Variants in KLRC1 observed in about 807,000 individuals in gnomAD.
The protein encoded by KLRC1 is killer cell lectin like receptor C1.
A neutral mutation model predicts 25.9 loss-of-function variants in KLRC1; 22 were observed. The observed-to-expected ratio is 0.85, with a 90% confidence interval of 0.61 to 1.21. KLRC1 has a LOEUF of 1.21. Among genes scored for constraint, KLRC1 ranks in the 50% most tolerant of loss-of-function variants. The pLI, the probability that KLRC1 is intolerant of heterozygous loss-of-function variation, is 0.00. For synonymous variants in KLRC1, 77 were observed against 93.1 expected (o/e 0.83, Z 0.99); for missense variants, 240 against 272.2 (o/e 0.88, Z 0.83).
Position 10,447,567 on chromosome 12 carries a change from T to A in KLRC1, c.555A>T (p.Pro185=). ...AAGCCAAACCATTCATTGTCACCCATGGATGATGACTGCTGTTACGAAACA... is the reference window on the plus strand; with the variant it reads ...AAGCCAAACCATTCATTGTCACCCAAGGATGATGACTGCTGTTACGAAACA... ...IGVFRNSSHH[P]WVTMNGLAFK... The change falls in exon 6 of 7, where the codon CCA becomes CCT. Residue 185 remains proline, a synonymous_variant. Coordinates refer to ENST00000359151, the MANE Select transcript of KLRC1 (RefSeq NM_002259.5). The A allele has an allele frequency of 6.2e-7, 1 of 1,610,530 alleles. No individual in the cohort carries two copies. Among genetic ancestry groups the A allele is most frequent in the South Asian group, 1.1e-5 (1 of 90,042 alleles).
At chr12:10,445,584 T>C (rs1863968593), downstream of KLRC1, among the ~76,000 whole-genome samples, 1 of 151,930 alleles carries the variant, frequency 6.6e-6, no homozygotes, top group Non-Finnish European at 1.5e-5. Context: ...CCAGTGAAAA[T>C]AAATGAAAAT....
At position 10,451,118 on chromosome 12, in the gene KLRC1, C is replaced by A. The variant is rs1864117742; in HGVS notation, c.39G>T (p.Leu13=). The A allele has an allele frequency of 1.9e-6, 3 of 1,613,906 alleles. No individual in the cohort carries two copies. The highest frequency in any genetic ancestry group is 2.5e-6 in the Non-Finnish European group (3 of 1,179,940). Reference sequence around the variant, plus strand: ...GTTGCTGCCTCTTTGGGTTTGGGGGCAGATTCAGGTCTGAGTAGATTACTC... The same window carrying A: ...GTTGCTGCCTCTTTGGGTTTGGGGGAAGATTCAGGTCTGAGTAGATTACTC... ...NQGVIYSDLN[L]PPNPKRQQRK... The change falls in exon 2 of 7, where the codon CTG becomes CTT. Residue 13 remains leucine, a synonymous_variant. Transcript: ENST00000359151.
At chr12:10,453,683 T>A (rs1864165216), upstream of KLRC1, among the ~76,000 whole-genome samples, 1 of 152,162 alleles carries the variant, frequency 6.6e-6, no homozygotes, top group Admixed American at 6.5e-5. Context: ...ATTATTTTAT[T>A]ATGTCACTTC....
At chr12:10,452,557 C>T (rs922427873) in intron 1 of KLRC1, among the ~76,000 whole-genome samples, 1 of 152,092 alleles carries the variant, frequency 6.6e-6, no homozygotes, top group South Asian at 2.1e-4. Context: ...TAAGCATTAG[C>T]TACTTTAATT....
intron 5 of KLRC1, among the ~76,000 whole-genome samples, chr12:10,447,897 T>C (rs1016683595): frequency 3.3e-5 from 5 of 152,218 alleles, no homozygotes; most frequent in African/African-American, 1.2e-4. Context: ...CCTGATACTG[T>C]GCATTCATTC....
rs1863983418 is a variant in KLRC1, at chr12:10,446,313, T to C, written c.*238A>G. ...TTCCTATAAGCTGACTCACATAACA[T>C]GCAACTTTTAGAAAGGCTGAAAACC... On this transcript the variant is annotated 3_prime_UTR_variant, in exon 7 of 7. Transcript: ENST00000359151. The C allele has an allele frequency of 1.8e-6, 2 of 1,138,764 alleles. No individual in the cohort carries two copies. Among genetic ancestry groups the C allele is most frequent in the Non-Finnish European group, 1.1e-6 (1 of 887,976 alleles). The allele number at this position is 1,138,764 out of a possible 1,614,324, so 70.5% of individuals were successfully genotyped here.
At chr12:10,448,921 G>T (rs1438061064) in intron 5 of KLRC1, among the ~76,000 whole-genome samples, 2 of 152,142 alleles carry the variant, frequency 1.3e-5, no homozygotes, top group African/African-American at 2.4e-5. Context: ...TTGTATCACA[G>T]GAGTTCATTC....
chr12:10,453,419 A>G, upstream of KLRC1: 2 of 945,230 alleles, frequency 2.1e-6, no homozygotes, highest in Non-Finnish European at 2.5e-6. Flanking sequence ...AGGTTTGAAC[A>G]GGAAATTCTA....
chr12:10,450,871 A>G (rs953320497), intron 2 of KLRC1, 99 bp downstream of exon 2: 2 of 878,940 alleles, frequency 2.3e-6, no homozygotes, highest in Non-Finnish European at 3.6e-6. Context: ...ATCTTTGCAA[A>G]TAGAAGATAT....
chr12:10,448,932 A>C (rs1158541526), intron 5 of KLRC1, among the ~76,000 whole-genome samples: 1 of 152,200 alleles, frequency 6.6e-6, no homozygotes, highest in Non-Finnish European at 1.5e-5. Context: ...GAGTTCATTC[A>C]CTTTGTGATC....
intron 3 of KLRC1, 23 bp downstream of exon 3, chr12:10,450,461 G>A: frequency 7.4e-7 from 1 of 1,348,204 alleles, no homozygotes; most frequent in East Asian, 2.3e-5. Flanking sequence ...AATTCCCCTT[G>A]TAATCTTCGA....
intron 1 of KLRC1, among the ~76,000 whole-genome samples, chr12:10,452,719 G>A (rs1864150696): frequency 6.6e-6 from 1 of 151,804 alleles, no homozygotes; most frequent in South Asian, 2.1e-4. Context: ...TTATTGCTTT[G>A]TAATACCTTT....
intron 1 of KLRC1, among the ~76,000 whole-genome samples, chr12:10,451,528 C>T (rs542807334): frequency 6.6e-6 from 1 of 151,948 alleles, no homozygotes; most frequent in Non-Finnish European, 1.5e-5. Context: ...TGATGTCAGG[C>T]GCCTGTAGTC....
chr12:10,453,399 C>T (rs1375596793), upstream of KLRC1: 1 of 983,316 alleles, frequency 1.0e-6, no homozygotes, highest in Non-Finnish European at 1.2e-6. Flanking sequence ...TTCTCATCAA[C>T]GTGTTACTAA....
At chr12:10,446,898 A>G (rs1450590413) in intron 6 of KLRC1, among the ~76,000 whole-genome samples, 1 of 152,236 alleles carries the variant, frequency 6.6e-6, no homozygotes. Context: ...CAGAACCTAT[A>G]GAGAGATTAT....
At chr12:10,443,608 C>G (rs939158780), downstream of KLRC1, among the ~76,000 whole-genome samples, 1 of 141,706 alleles carries the variant, frequency 7.1e-6, no homozygotes, top group Non-Finnish European at 1.5e-5. Flanking sequence ...AACACATAAA[C>G]AAGCCACAGA....
At chr12:10,443,402 C>T (rs1304296509), downstream of KLRC1, among the ~76,000 whole-genome samples, 30 of 139,636 alleles carry the variant, frequency 2.1e-4, 6 homozygotes, top group African/African-American at 6.9e-4. Context: ...GTAATAGTGC[C>T]GTCTTAATAT....
At chr12:10,450,395 A>T (rs908505041) in intron 3 of KLRC1, 89 bp downstream of exon 3, 23 of 720,822 alleles carry the variant, frequency 3.2e-5, no homozygotes, top group Non-Finnish European at 5.5e-5. Flanking sequence ...TACAATGAGA[A>T]CTCTATTCCC....
intron 5 of KLRC1, 147 bp from the exon 6 acceptor site, chr12:10,447,779 A>G: frequency 1.6e-6 from 1 of 644,256 alleles, no homozygotes; most frequent in Admixed American, 3.0e-5. Context: ...GTCAATGTTT[A>G]TACTTAGTAC....
Sources: gnomAD v4.1 joint callset for allele counts (sites outside exome capture counted in the v4.1 genomes callset) on GRCh38, gnomAD v4.1.1 for gene constraint, MANE v1.5 for transcripts, NCBI Gene and HGNC (gene_info 2026-07-23, HGNC 2026-07-21) for gene names.